PCDH11X: variants seen among roughly 807,000 people sequenced by gnomAD.
The protein encoded by PCDH11X is protocadherin-11 X-linked.
In PCDH11X, 18 loss-of-function variants were observed where a neutral mutation model predicts 53.3. The ratio of observed to expected loss-of-function variants is 0.34; its 90% CI spans 0.23 to 0.50. The LOEUF (loss-of-function observed/expected upper bound fraction) is 0.50. Ranked by LOEUF, PCDH11X falls within the 20% of genes least tolerant of loss-of-function variation. The pLI, the probability that PCDH11X is intolerant of heterozygous loss-of-function variation, is 0.98. For missense variants in PCDH11X, 570 were observed against 1,032.4 expected (o/e 0.55, Z 6.14); for synonymous variants, 279 against 393.3 (o/e 0.71, Z 3.44).
chrX:92,308,274 A>G (rs1387375131), intron 8 of PCDH11X, among the ~76,000 whole-genome samples: 1 of 111,627 alleles, frequency 9.0e-6, no homozygotes, highest in Non-Finnish European at 1.9e-5. Flanking sequence ...AGTGATCAAA[A>G]CAGTGTGGGT....
chrX:92,575,934 T>TAC (rs1353338801), intron 10 of PCDH11X, among the ~76,000 whole-genome samples: 18 of 23,565 alleles, frequency 7.6e-4, no homozygotes, highest in African/African-American at 3.7e-3. Context: ...TATATATATA[T>TAC]ATATATATAT....
chrX:92,201,317 T>A lies in PCDH11X; in HGVS notation c.3034-58T>A. ...TAGGCAATGTTTATATGAAATGTACTGTGTATTTTACTTTTAACAAACAGC... is the reference window on the plus strand; with the variant it reads ...TAGGCAATGTTTATATGAAATGTACAGTGTATTTTACTTTTAACAAACAGC... On this transcript the variant is annotated intron_variant, in intron 6 of 10. Coordinates refer to ENST00000682573, the MANE Select transcript of PCDH11X (RefSeq NM_032968.5). The A allele has an allele frequency of 6.0e-6, 7 of 1,159,512 alleles. No individual in the cohort carries two copies. The South Asian group carries it at 1.4e-4, about 22-fold the overall frequency.
chrX:92,277,169 G>A (rs2068116524), intron 8 of PCDH11X, among the ~76,000 whole-genome samples: 1 of 110,041 alleles, frequency 9.1e-6, no homozygotes, highest in African/African-American at 3.3e-5. Context: ...TTGGGACTGA[G>A]GGGACAGGCA....
chrX:92,360,521 C>T (rs1244591677), intron 8 of PCDH11X, among the ~76,000 whole-genome samples: 1 of 109,664 alleles, frequency 9.1e-6, no homozygotes, highest in Non-Finnish European at 1.9e-5. Flanking sequence ...TGTGGGGATT[C>T]TTTAAAACAT....
intron 6 of PCDH11X, among the ~76,000 whole-genome samples, chrX:92,139,460 C>T (rs761962161): frequency 2.4e-4 from 26 of 107,965 alleles, no homozygotes; most frequent in Non-Finnish European, 1.7e-4. Flanking sequence ...GATGGGGTTT[C>T]GCCATGTTGA....
chrX:92,307,257 T>A (rs1404334734), intron 8 of PCDH11X, among the ~76,000 whole-genome samples: 1 of 109,454 alleles, frequency 9.1e-6, no homozygotes, highest in Non-Finnish European at 1.9e-5. Context: ...TAAGGGATTA[T>A]ATACCATGAC....
At chrX:91,870,112 A>C (rs1289664873) in intron 5 of PCDH11X, among the ~76,000 whole-genome samples, 1 of 111,875 alleles carries the variant, frequency 8.9e-6, no homozygotes, top group African/African-American at 3.2e-5. Context: ...ATAGACTAAA[A>C]AAAATGGACC....
intron 5 of PCDH11X, among the ~76,000 whole-genome samples, chrX:91,866,115 C>T (rs1210400138): frequency 8.1e-5 from 9 of 110,669 alleles, no homozygotes; most frequent in East Asian, 2.9e-4. Context: ...AGCTGGTATC[C>T]GGGATGTAAA....
At chrX:92,267,837 A>G (rs778117560) in intron 8 of PCDH11X, among the ~76,000 whole-genome samples, 3 of 112,184 alleles carry the variant, frequency 2.7e-5, no homozygotes, top group Non-Finnish European at 3.8e-5. Context: ...TTCTTGTTGC[A>G]TCATAACATG....
chrX:92,184,749 T>C (rs2066060619), intron 6 of PCDH11X, among the ~76,000 whole-genome samples: 1 of 111,074 alleles, frequency 9.0e-6, no homozygotes, highest in Non-Finnish European at 1.9e-5. Flanking sequence ...GTGTCTTCAA[T>C]AAATGGTGCT....
At chrX:92,265,985 CA>C (rs1380747910) in intron 8 of PCDH11X, among the ~76,000 whole-genome samples, 2 of 111,839 alleles carry the variant, frequency 1.8e-5, no homozygotes, top group African/African-American at 6.5e-5. Flanking sequence ...ATCATTAACT[CA>C]TTTTTACTAG....
chrX:92,102,898 A>T (rs2064291237), intron 6 of PCDH11X, among the ~76,000 whole-genome samples: 1 of 111,602 alleles, frequency 9.0e-6, no homozygotes, highest in Non-Finnish European at 1.9e-5. Flanking sequence ...GGGAAATGGT[A>T]AGGAGAGTTT....
chrX:92,255,608 G>T (rs1351342377), intron 7 of PCDH11X, among the ~76,000 whole-genome samples: 1 of 108,110 alleles, frequency 9.2e-6, no homozygotes, highest in African/African-American at 3.4e-5. Flanking sequence ...GTGATGTACA[G>T]ATGGGTTTTT....
chrX:92,466,882 A>C (rs2073166456), intron 9 of PCDH11X, among the ~76,000 whole-genome samples: 1 of 109,271 alleles, frequency 9.2e-6, no homozygotes, highest in African/African-American at 3.3e-5. Context: ...AAAAATGAAA[A>C]GCACGTACGT....
At chrX:92,554,300 T>A (rs1394417567) in intron 10 of PCDH11X, among the ~76,000 whole-genome samples, 1 of 98,708 alleles carries the variant, frequency 1.0e-5, no homozygotes, top group African/African-American at 3.7e-5. Context: ...ATTTTATGCA[T>A]GCCACTTTCT....
At chrX:92,440,499 G>A (rs1227365756) in intron 9 of PCDH11X, among the ~76,000 whole-genome samples, 1 of 108,293 alleles carries the variant, frequency 9.2e-6, no homozygotes, top group Non-Finnish European at 1.9e-5. Context: ...AATCATGGGG[G>A]CAGGACCTTC....
At chrX:92,025,452 A>T (rs2062956358) in intron 6 of PCDH11X, among the ~76,000 whole-genome samples, 1 of 98,199 alleles carries the variant, frequency 1.0e-5, no homozygotes, top group Non-Finnish European at 2.0e-5. Flanking sequence ...ACCTTATGAA[A>T]AAAAGATCAA....
At chrX:91,782,186 C>G (rs1392257452) in intron 1 of PCDH11X, among the ~76,000 whole-genome samples, 1 of 112,191 alleles carries the variant, frequency 8.9e-6, no homozygotes, top group Non-Finnish European at 1.9e-5. Flanking sequence ...CCCCCCCCTT[C>G]CAGTCCCTCG....
chrX:92,422,024 A>G (rs2071979150), intron 9 of PCDH11X, among the ~76,000 whole-genome samples: 1 of 109,863 alleles, frequency 9.1e-6, no homozygotes, highest in Admixed American at 9.8e-5. Flanking sequence ...TGATTATCTT[A>G]TAGTTTCTAC....
Sources: allele counts gnomAD v4.1 joint callset (sites outside exome capture counted in the v4.1 genomes callset), GRCh38; gene constraint gnomAD v4.1.1; transcripts MANE v1.5; gene names NCBI Gene and HGNC (gene_info 2026-07-23, HGNC 2026-07-21).